SUN1: variants seen among roughly 807,000 people sequenced by gnomAD.
SUN1 encodes SUN domain-containing protein 1.
In SUN1, 61 loss-of-function variants were observed where a neutral mutation model predicts 103.2. The observed-to-expected ratio is 0.59, with a 90% CI of 0.48 to 0.73. The LOEUF is 0.73. Ranked by LOEUF, SUN1 falls within the 30% of genes least tolerant of loss-of-function variation. The pLI, the probability that SUN1 is intolerant of heterozygous loss-of-function variation, is 0.00. For synonymous variants in SUN1, 490 were observed against 425.7 expected (o/e 1.15, Z -1.86); for missense variants, 1,052 against 1,034.6 (o/e 1.02, Z -0.23).
At chr7:872,852 G>A (rs1328439130) in intron 18 of SUN1, among the ~76,000 whole-genome samples, 1 of 152,196 alleles carries the variant, frequency 6.6e-6, no homozygotes, top group East Asian at 1.9e-4. Flanking sequence ...ACTTTGCGGG[G>A]CCGAGGCAGG....
intron 5 of SUN1, among the ~76,000 whole-genome samples, chr7:845,508 A>T (rs1339062172): frequency 2.0e-5 from 3 of 152,148 alleles, no homozygotes; most frequent in African/African-American, 7.2e-5. Flanking sequence ...CACAAAGAAG[A>T]AAATAAAAAT....
upstream of SUN1, among the ~76,000 whole-genome samples, chr7:829,548 G>GTTTTTTTTTTTTTT (rs59608102): frequency 7.0e-6 from 1 of 143,828 alleles, no homozygotes. Flanking sequence ...AAAATAACTG[G>GTTTTTTTTTTTTTT]TTTTTTTTTT....
At chr7:856,781 T>A (rs541826551) in intron 12 of SUN1, among the ~76,000 whole-genome samples, 2 of 152,270 alleles carry the variant, frequency 1.3e-5, no homozygotes, top group South Asian at 4.2e-4. Context: ...GGGCCTCCGC[T>A]GGCACCGTTG....
intron 1 of SUN1, among the ~76,000 whole-genome samples, chr7:834,679 T>G (rs1801229024): frequency 1.3e-5 from 2 of 152,230 alleles, no homozygotes; most frequent in Admixed American, 1.3e-4. Flanking sequence ...CTGATGGCTT[T>G]CTGTCTCCAT....
At chr7:859,088 G>A (rs1363769293) in intron 13 of SUN1, among the ~76,000 whole-genome samples, 1 of 151,832 alleles carries the variant, frequency 6.6e-6, no homozygotes, top group Non-Finnish European at 1.5e-5. Context: ...AGGAGGTGGA[G>A]GTTGCAGCGA....
chr7:816,252 C>CAGGTGCAGACCCCTCCGCG, upstream of SUN1: 1 of 194,254 alleles, frequency 5.1e-6, no homozygotes, highest in Admixed American at 7.5e-5. Context: ...ATCCCTCCCC[C>CAGGTGCAGACCCCTCCGCG]AGATGCGGGC....
chr7:836,076 C>T (rs1042673467), intron 1 of SUN1, among the ~76,000 whole-genome samples: 1 of 152,238 alleles, frequency 6.6e-6, no homozygotes, highest in Non-Finnish European at 1.5e-5. Flanking sequence ...CCGAAACTAG[C>T]CGGCGCTGCA....
intron 1 of SUN1, among the ~76,000 whole-genome samples, chr7:838,461 C>G (rs1424576421): frequency 6.6e-6 from 1 of 152,186 alleles, no homozygotes; most frequent in African/African-American, 2.4e-5. Flanking sequence ...GAAACACACT[C>G]TGATGTGTTT....
chr7:834,557 A>G (rs115547440), intron 1 of SUN1, among the ~76,000 whole-genome samples: 1 of 152,068 alleles, frequency 6.6e-6, no homozygotes, highest in African/African-American at 2.4e-5. Flanking sequence ...TTGGGTCCTT[A>G]CACTCTTCTC....
chr7:872,387 G>C, intron 17 of SUN1, 83 bp from the exon 18 acceptor site: 2 of 1,148,262 alleles, frequency 1.7e-6, no homozygotes, highest in Non-Finnish European at 2.6e-6. Flanking sequence ...TGTTTGCTTA[G>C]TGCTGGCTGT....
intron 5 of SUN1, chr7:850,745 A>G (rs1031564993): frequency 4.0e-5 from 6 of 148,278 alleles, no homozygotes; most frequent in African/African-American, 1.3e-4. Flanking sequence ...TGGCCAATGT[A>G]GCAAAACCCT....
intron 1 of SUN1, among the ~76,000 whole-genome samples, chr7:823,504 G>T (rs1334091541): frequency 2.0e-5 from 3 of 152,088 alleles, no homozygotes. Flanking sequence ...GGAAAGAGTG[G>T]AGGAGCGGCA....
upstream of SUN1, chr7:831,020 C>A (rs533749427): frequency 1.0e-6 from 1 of 985,464 alleles, no homozygotes; most frequent in Non-Finnish European, 1.2e-6. Flanking sequence ...TGTCCTGTGC[C>A]GGGCTCCTCT....
rs1242024382 is a variant in SUN1, at chr7:847,331, CCTGGGGGTTA to C, written c.658+3813_658+3822del. On this transcript the variant is annotated intron_variant, in intron 5 of 18. Transcript: ENST00000401592. ...CTCCGCAGTCCAGGCTCCGGGATCCCCTGGGGGTTACCCCGCAGCGCCCTCTCTGGGATCT... is the reference window on the plus strand; with the variant it reads ...CTCCGCAGTCCAGGCTCCGGGATCCCCCCCGCAGCGCCCTCTCTGGGATCT... Among the ~76,000 whole-genome samples, 4 of 149,212 alleles carry C rather than the reference CCTGGGGGTTA, an allele frequency of 2.7e-5. No homozygotes were observed. In the East Asian group the frequency reaches 8.2e-4, roughly 30 times the overall value.
intron 12 of SUN1, 49 bp from the exon 13 acceptor site, chr7:857,779 T>C (rs377515713): frequency 6.0e-6 from 9 of 1,503,670 alleles, no homozygotes; most frequent in Admixed American, 2.1e-5. Context: ...GTGGGAAGCG[T>C]ATAGGCTGGG....
chr7:846,298 G>C (rs1040020617), intron 5 of SUN1, among the ~76,000 whole-genome samples: 2 of 152,016 alleles, frequency 1.3e-5, no homozygotes, highest in African/African-American at 4.8e-5. Context: ...TCGTAGAGAC[G>C]GGGTTCCACC....
intron 5 of SUN1, among the ~76,000 whole-genome samples, chr7:844,537 G>A (rs578039073): frequency 3.9e-5 from 6 of 152,324 alleles, no homozygotes; most frequent in South Asian, 4.1e-4. Context: ...TCTTGTCTTC[G>A]TGGCCCTCAC....
chr7:848,214 C>T (rs1818402382), intron 5 of SUN1, among the ~76,000 whole-genome samples: 1 of 152,096 alleles, frequency 6.6e-6, no homozygotes, highest in Non-Finnish European at 1.5e-5. Flanking sequence ...CTCTGCAGTC[C>T]AGTCTTCGGG....
At chr7:822,759 G>T (rs879432469) in intron 1 of SUN1, among the ~76,000 whole-genome samples, 8 of 152,236 alleles carry the variant, frequency 5.3e-5, no homozygotes, top group Admixed American at 5.2e-4. Flanking sequence ...GACAATTACT[G>T]TTGGGAATGG....
Sources: allele counts gnomAD v4.1 joint callset (sites outside exome capture counted in the v4.1 genomes callset), GRCh38; gene constraint gnomAD v4.1.1; transcripts MANE v1.5; gene names NCBI Gene and HGNC (gene_info 2026-07-23, HGNC 2026-07-21).